The following FRMD5 variants were observed in gnomAD, a reference collection of about 807,000 sequenced individuals.
FRMD5 encodes the protein FERM domain-containing protein 5.
In FRMD5, 20 loss-of-function variants were observed where a neutral mutation model predicts 69.0. The observed-to-expected ratio is 0.29, with a 90% confidence interval of 0.20 to 0.42. FRMD5 has a LOEUF of 0.42. Among genes scored for constraint, FRMD5 ranks in the 10% least tolerant of loss-of-function variants. FRMD5 has a pLI of 1.00. For synonymous variants in FRMD5, 271 were observed against 260.1 expected (o/e 1.04, Z -0.40); for missense variants, 595 against 708.6 (o/e 0.84, Z 1.82).
At chr15:44,097,884 T>A (rs1284802233) in intron 1 of FRMD5, among the ~76,000 whole-genome samples, 1 of 152,202 alleles carries the variant, frequency 6.6e-6, no homozygotes, top group Non-Finnish European at 1.5e-5. Flanking sequence ...AAAATTTGCA[T>A]GCAATCATGG....
intron 1 of FRMD5, among the ~76,000 whole-genome samples, chr15:44,172,278 T>C (rs1221423458): frequency 2.7e-5 from 4 of 150,690 alleles, no homozygotes; most frequent in East Asian, 1.9e-4. Context: ...TTTTCTTTTT[T>C]TTTTTTTTTT....
chr15:44,114,112 TAAAGACGTA>T (rs1295377469), intron 1 of FRMD5, among the ~76,000 whole-genome samples: 1 of 151,982 alleles, frequency 6.6e-6, no homozygotes, highest in African/African-American at 2.4e-5. Flanking sequence ...ATGACATATA[TAAAGACGTA>T]ACCTAATGAT....
chr15:43,907,132 C>T (rs1428365893), intron 5 of FRMD5, among the ~76,000 whole-genome samples: 1 of 152,132 alleles, frequency 6.6e-6, no homozygotes, highest in Non-Finnish European at 1.5e-5. Context: ...AGAGGAGGGG[C>T]CAGCTACTCT....
chr15:43,926,210 G>A (rs753964883), intron 1 of FRMD5, among the ~76,000 whole-genome samples: 9 of 152,218 alleles, frequency 5.9e-5, no homozygotes, highest in Non-Finnish European at 1.3e-4. Context: ...GATGCCAAGG[G>A]TGAAGTGGGA....
chr15:44,109,237 A>C (rs1462809222), intron 1 of FRMD5, among the ~76,000 whole-genome samples: 1 of 152,004 alleles, frequency 6.6e-6, no homozygotes, highest in Non-Finnish European at 1.5e-5. Flanking sequence ...CATTCTTTTC[A>C]TCCAGCTTTT....
intron 1 of FRMD5, among the ~76,000 whole-genome samples, chr15:44,036,903 T>C (rs1021934392): frequency 1.3e-5 from 2 of 152,234 alleles, no homozygotes; most frequent in Admixed American, 6.5e-5. Flanking sequence ...TAAAGGACTC[T>C]AATGAAATTC....
intron 1 of FRMD5, among the ~76,000 whole-genome samples, chr15:44,139,086 T>G (rs1471807902): frequency 6.6e-6 from 1 of 152,102 alleles, no homozygotes; most frequent in African/African-American, 2.4e-5. Flanking sequence ...AAAAATGACT[T>G]GTACACTTTA....
intron 1 of FRMD5, among the ~76,000 whole-genome samples, chr15:44,143,186 C>A (rs1264798064): frequency 6.6e-6 from 1 of 152,124 alleles, no homozygotes; most frequent in Non-Finnish European, 1.5e-5. Context: ...ACATGGGGCA[C>A]CTATCCCACC....
At chr15:43,951,987 TG>T (rs1566857297) in intron 1 of FRMD5, among the ~76,000 whole-genome samples, 11 of 111,836 alleles carry the variant, frequency 9.8e-5, no homozygotes, top group African/African-American at 5.6e-4. Context: ...GTGTTGTGTG[TG>T]TGTGTGTGTG....
At chr15:44,079,053 A>G (rs1289136411) in intron 1 of FRMD5, among the ~76,000 whole-genome samples, 1 of 152,140 alleles carries the variant, frequency 6.6e-6, no homozygotes, top group African/African-American at 2.4e-5. Context: ...ATATATAGAG[A>G]ACTCCTATAA....
intron 13 of FRMD5, among the ~76,000 whole-genome samples, chr15:43,883,177 G>C (rs2088578189): frequency 6.6e-6 from 1 of 151,000 alleles, no homozygotes; most frequent in African/African-American, 2.4e-5. Context: ...TCAGCTCACT[G>C]CAACCTCTGC....
At chr15:43,930,735 C>T (rs1473721821) in intron 1 of FRMD5, among the ~76,000 whole-genome samples, 1 of 152,172 alleles carries the variant, frequency 6.6e-6, no homozygotes, top group Admixed American at 6.5e-5. Flanking sequence ...TGCAGGGAGC[C>T]CTGTTGGCAG....
At chr15:43,906,211 TCAC>T (rs2089168309) in intron 5 of FRMD5, among the ~76,000 whole-genome samples, 1 of 152,138 alleles carries the variant, frequency 6.6e-6, no homozygotes, top group South Asian at 2.1e-4. Flanking sequence ...TGTTCTGAGG[TCAC>T]CACAAGTAAA....
At chr15:44,140,420 G>A (rs772392454) in intron 1 of FRMD5, among the ~76,000 whole-genome samples, 31 of 151,958 alleles carry the variant, frequency 2.0e-4, no homozygotes, top group Non-Finnish European at 3.7e-4. Flanking sequence ...GTAAAGAGGG[G>A]TAGTCAAGAA....
rs576159441 is a variant in FRMD5 at position 43,883,439 on chromosome 15, A to C, written c.1135+264T>G. Among the ~76,000 whole-genome samples, 19 of 152,196 alleles carry C rather than the reference A, an allele frequency of 1.2e-4. 1 individual carries two copies. The South Asian group carries it at 3.9e-3, about 32-fold the overall frequency. On this transcript the variant is annotated intron_variant, in intron 13 of 13. Coordinates refer to ENST00000417257, the MANE Select transcript of FRMD5 (RefSeq NM_032892.5). ...GGAAAGCAATTTCAGAACTGCATGGAACCTATAGATCCCACATATGCAAGT... is the reference window on the plus strand; with the variant it reads ...GGAAAGCAATTTCAGAACTGCATGGCACCTATAGATCCCACATATGCAAGT...
intron 1 of FRMD5, among the ~76,000 whole-genome samples, chr15:44,053,278 C>T (rs1255981658): frequency 6.6e-6 from 1 of 152,064 alleles, no homozygotes; most frequent in African/African-American, 2.4e-5. Flanking sequence ...TAGTCCTTGC[C>T]AGTCATGGTA....
chr15:44,182,841 G>A (rs1036813868), intron 1 of FRMD5, among the ~76,000 whole-genome samples: 3 of 152,146 alleles, frequency 2.0e-5, no homozygotes, highest in Admixed American at 1.3e-4. Context: ...TGTCGCCCAG[G>A]CTAGAGTGCA....
chr15:43,980,173 A>G (rs890031884), intron 1 of FRMD5, among the ~76,000 whole-genome samples: 2 of 152,224 alleles, frequency 1.3e-5, no homozygotes, highest in African/African-American at 4.8e-5. Context: ...CAGGCCCTAT[A>G]AAGTATGCTT....
intron 1 of FRMD5, among the ~76,000 whole-genome samples, chr15:44,165,511 G>A (rs2077694788): frequency 6.6e-6 from 1 of 152,108 alleles, no homozygotes; most frequent in Non-Finnish European, 1.5e-5. Flanking sequence ...ACAGTAACTA[G>A]CAGGTAGCAG....
Sources: allele counts gnomAD v4.1 joint callset (sites outside exome capture counted in the v4.1 genomes callset), GRCh38; gene constraint gnomAD v4.1.1; transcripts MANE v1.5; gene names NCBI Gene and HGNC (gene_info 2026-07-23, HGNC 2026-07-21).